The following ZRANB3 variants were observed in gnomAD, a reference collection of about 807,000 sequenced individuals.
ZRANB3 encodes the protein DNA annealing helicase and endonuclease ZRANB3.
In ZRANB3, 125 loss-of-function variants were observed where a neutral mutation model predicts 133.8. The observed-to-expected ratio is 0.93, with a 90% CI of 0.81 to 1.08. ZRANB3 has a LOEUF of 1.08. Ranked by LOEUF, ZRANB3 falls within the 50% of genes least tolerant of loss-of-function variation. The pLI is 0.00. For missense variants in ZRANB3, 1,229 were observed against 1,275.5 expected (o/e 0.96, Z 0.56); for synonymous variants, 387 against 432.7 (o/e 0.89, Z 1.31).
chr2:135,443,136 A>G (rs1478682038), intron 2 of ZRANB3, among the ~76,000 whole-genome samples: 1 of 151,782 alleles, frequency 6.6e-6, no homozygotes, highest in African/African-American at 2.4e-5. Context: ...AGAAAGAAAA[A>G]GAAAAAAGAA....
chr2:135,476,982 A>G (rs935995943), intron 2 of ZRANB3, among the ~76,000 whole-genome samples: 10 of 152,148 alleles, frequency 6.6e-5, no homozygotes, highest in African/African-American at 2.2e-4. Flanking sequence ...TGGCCTCCCA[A>G]AGTGCTGGGA....
At chr2:135,406,595 C>T (rs561883787) in intron 2 of ZRANB3, among the ~76,000 whole-genome samples, 1 of 152,114 alleles carries the variant, frequency 6.6e-6, no homozygotes, top group Non-Finnish European at 1.5e-5. Context: ...AAACCGAATC[C>T]AGCAGCACAT....
intron 2 of ZRANB3, among the ~76,000 whole-genome samples, chr2:135,479,043 C>A (rs1691638684): frequency 6.6e-6 from 1 of 151,710 alleles, no homozygotes; most frequent in Admixed American, 6.6e-5. Flanking sequence ...AGTAGTTGTG[C>A]CAATTTCCCC....
intron 3 of ZRANB3, among the ~76,000 whole-genome samples, chr2:135,383,462 C>A (rs1401188153): frequency 6.6e-6 from 1 of 152,030 alleles, no homozygotes; most frequent in Non-Finnish European, 1.5e-5. Context: ...ACAAGGATAT[C>A]CAGGAATTGA....
At chr2:135,356,267 T>A (rs1685430967) in intron 3 of ZRANB3, among the ~76,000 whole-genome samples, 1 of 152,092 alleles carries the variant, frequency 6.6e-6, no homozygotes, top group South Asian at 2.1e-4. Flanking sequence ...TCTTAAAAAT[T>A]GCAAAGAGAG....
chr2:135,478,867 T>C (rs1691624733), intron 2 of ZRANB3, among the ~76,000 whole-genome samples: 3 of 151,808 alleles, frequency 2.0e-5, no homozygotes, highest in Admixed American at 2.0e-4. Flanking sequence ...AATACATGTT[T>C]ATGTATACCT....
intron 2 of ZRANB3, among the ~76,000 whole-genome samples, chr2:135,464,753 C>T (rs1690909802): frequency 6.6e-6 from 1 of 152,230 alleles, no homozygotes; most frequent in Admixed American, 6.5e-5. Context: ...ACGTATTCCA[C>T]AGCTTGGACA....
chr2:135,417,531 G>A (rs909778599), intron 2 of ZRANB3, among the ~76,000 whole-genome samples: 1 of 152,178 alleles, frequency 6.6e-6, no homozygotes, highest in Non-Finnish European at 1.5e-5. Flanking sequence ...AACTAGTTCA[G>A]CCATTGTGGA....
chr2:135,223,999 T>G (rs1238469232), intron 15 of ZRANB3, among the ~76,000 whole-genome samples: 1 of 152,236 alleles, frequency 6.6e-6, no homozygotes, highest in Admixed American at 6.5e-5. Flanking sequence ...AAATCCTGTC[T>G]GCATTTTATT....
At chr2:135,316,991 T>A (rs144345585) in intron 6 of ZRANB3, among the ~76,000 whole-genome samples, 5,360 of 145,672 alleles carry the variant, frequency 0.037, 344 homozygotes, top group African/African-American at 0.13. Context: ...AAAATATATA[T>A]ATATATATAT....
At chr2:135,385,178 G>A (rs1223154086) in intron 3 of ZRANB3, among the ~76,000 whole-genome samples, 1 of 152,126 alleles carries the variant, frequency 6.6e-6, no homozygotes, top group Admixed American at 6.6e-5. Flanking sequence ...AAAATCACAA[G>A]CATTCTTATA....
chr2:135,335,758 A>G lies in ZRANB3; in HGVS notation c.677+9792T>C, dbSNP rs531219077. ...AAACATAATATTAGGGACGACCAAT[A>G]TGTCTTCTCACAGCATACTTTTTGA... On this transcript the variant is annotated intron_variant, in intron 6 of 20. Coordinates refer to ENST00000264159, the MANE Select transcript of ZRANB3 (RefSeq NM_032143.4). Among the ~76,000 whole-genome samples, 5 of 152,238 alleles carry G rather than the reference A, an allele frequency of 3.3e-5. No homozygotes were observed. In the South Asian group the frequency reaches 8.3e-4, roughly 25 times the overall value.
chr2:135,366,262 G>C (rs577887532), intron 3 of ZRANB3, among the ~76,000 whole-genome samples: 1 of 151,658 alleles, frequency 6.6e-6, no homozygotes, highest in Non-Finnish European at 1.5e-5. Context: ...GATGGGTCTC[G>C]TATATATTAA....
chr2:135,258,716 T>C (rs1386425323), intron 12 of ZRANB3, among the ~76,000 whole-genome samples: 2 of 152,182 alleles, frequency 1.3e-5, no homozygotes, highest in Non-Finnish European at 2.9e-5. Flanking sequence ...ACAAAGTGCT[T>C]TGAATTCCTA....
intron 2 of ZRANB3, among the ~76,000 whole-genome samples, chr2:135,495,817 G>C (rs1692636706): frequency 6.6e-6 from 1 of 152,014 alleles, no homozygotes. Context: ...GAAAACACAG[G>C]GGTATTCAGT....
chr2:135,417,294 G>T (rs1447728529), intron 2 of ZRANB3, among the ~76,000 whole-genome samples: 4 of 151,858 alleles, frequency 2.6e-5, no homozygotes, highest in African/African-American at 9.7e-5. Context: ...TCAAAAAGTG[G>T]GCAAAGGATA....
intron 2 of ZRANB3, among the ~76,000 whole-genome samples, chr2:135,392,410 T>C (rs1170977073): frequency 6.6e-6 from 1 of 151,380 alleles, no homozygotes; most frequent in African/African-American, 2.4e-5. Flanking sequence ...TTATTCCCAG[T>C]TGTCTTGATA....
chr2:135,224,920 G>C (rs1241266657), intron 14 of ZRANB3, among the ~76,000 whole-genome samples: 2 of 152,130 alleles, frequency 1.3e-5, no homozygotes, highest in Admixed American at 1.3e-4. Flanking sequence ...CAGCAACATC[G>C]CTATGTTGAG....
intron 3 of ZRANB3, among the ~76,000 whole-genome samples, chr2:135,369,791 T>C (rs1686090609): frequency 6.6e-6 from 1 of 152,070 alleles, no homozygotes; most frequent in South Asian, 2.1e-4. Context: ...AACTCCTCAA[T>C]TTTCGTTTTT....
Sources: gnomAD v4.1 joint callset for allele counts (sites outside exome capture counted in the v4.1 genomes callset) on GRCh38, gnomAD v4.1.1 for gene constraint, MANE v1.5 for transcripts, NCBI Gene and HGNC (gene_info 2026-07-23, HGNC 2026-07-21) for gene names.